OLAH: variants seen among roughly 807,000 people sequenced by gnomAD.
OLAH encodes the protein S-acyl fatty acid synthase thioesterase, medium chain.
OLAH carries 33 observed loss-of-function variants against 27.8 expected under a neutral mutation model. The observed-to-expected ratio is 1.19, with a 90% confidence interval of 0.90 to 1.59. OLAH has a LOEUF of 1.59. Ranked by LOEUF, OLAH falls within the 40% of genes most tolerant of loss-of-function variation. OLAH has a pLI of 0.00. For missense variants in OLAH, 359 were observed against 310.8 expected (o/e 1.16, Z -1.17); for synonymous variants, 120 against 102.9 (o/e 1.17, Z -1.01).
At chr10:15,046,529 G>A (rs993594254) in intron 1 of OLAH, among the ~76,000 whole-genome samples, 4 of 151,618 alleles carry the variant, frequency 2.6e-5, no homozygotes, top group South Asian at 2.1e-4. Flanking sequence ...GTGCAGTGGC[G>A]CGATCTCAGC....
chr10:15,056,239 T>C (rs548793413), intron 3 of OLAH, among the ~76,000 whole-genome samples: 35 of 152,322 alleles, frequency 2.3e-4, no homozygotes, highest in African/African-American at 7.9e-4. Context: ...TCATTTTTAT[T>C]CTTTGCTATT....
chr10:15,071,440 A>G (rs1844584808), intron 6 of OLAH: 1 of 838,392 alleles, frequency 1.2e-6, no homozygotes, highest in African/African-American at 1.8e-5. Context: ...TTCTGTGCAG[A>G]GCAACCCTCT....
chr10:15,053,253 C>T (rs114709068), intron 3 of OLAH, among the ~76,000 whole-genome samples: 1,782 of 152,188 alleles, frequency 0.012, 19 homozygotes, highest in African/African-American at 0.037. Context: ...AGTTGTTAAA[C>T]CATCTATCTA....
chr10:15,048,512 C>T (rs7092900), intron 2 of OLAH, among the ~76,000 whole-genome samples: 67,488 of 152,054 alleles, frequency 0.44, 15,291 homozygotes, highest in East Asian at 0.75. Flanking sequence ...GCCACTGAGC[C>T]CAGTCTATAA....
At chr10:15,052,806 G>A (rs560523551) in intron 3 of OLAH, among the ~76,000 whole-genome samples, 1 of 149,766 alleles carries the variant, frequency 6.7e-6, no homozygotes, top group Non-Finnish European at 1.5e-5. Flanking sequence ...GCAGTGGCGT[G>A]ATCTCGGCTC....
rs1230791474 is a variant in OLAH, at chr10:15,058,927, C to CCTCCTTCCCTCT, written c.164-2786_164-2775dup. ...CTTGCCCTATTTCTCCCCTTCCTTC[C>CCTCCTTCCCTCT]CTCCTTCCCTCTCTCCTTCCCTTCC... On this transcript the variant is annotated intron_variant, in intron 3 of 7. Transcript: ENST00000378228. 4.6e-4 allele frequency among the ~76,000 whole-genome samples: 64 copies of CCTCCTTCCCTCT among 140,234 alleles called. 1 individual carries two copies. The South Asian group carries it at 0.014, about 31-fold the overall frequency. 92.0% of individuals were successfully genotyped at this position (140,234 alleles called of 152,430 possible).
intron 6 of OLAH, 78 bp from the exon 7 acceptor site, chr10:15,071,717 T>A: frequency 6.8e-7 from 1 of 1,475,638 alleles, no homozygotes; most frequent in Non-Finnish European, 9.3e-7. Flanking sequence ...ACCCCAAGTT[T>A]CATTGACATT....
intron 3 of OLAH, chr10:15,056,782 C>G: frequency 7.1e-7 from 1 of 1,416,136 alleles, no homozygotes; most frequent in Non-Finnish European, 9.2e-7. Context: ...AGGCATACAC[C>G]ACTATGCTCG....
At chr10:15,065,416 C>T (rs776549519) in intron 5 of OLAH, 168 bp from the exon 6 acceptor site, 4 of 627,848 alleles carry the variant, frequency 6.4e-6, no homozygotes, top group Non-Finnish European at 1.1e-5. Flanking sequence ...GATGAGCCTT[C>T]TTCTCCCTAC....
upstream of OLAH, among the ~76,000 whole-genome samples, chr10:15,039,227 CT>C (rs765457445): frequency 2.0e-5 from 3 of 149,910 alleles, no homozygotes; most frequent in Non-Finnish European, 4.4e-5. Flanking sequence ...CTATGTCTCT[CT>C]AAAAAAAAAG....
chr10:15,073,027 T>C, intron 7 of OLAH, 60 bp from the exon 8 acceptor site: 1 of 1,514,482 alleles, frequency 6.6e-7, no homozygotes, highest in Non-Finnish European at 9.1e-7. Context: ...AATGATGTCT[T>C]GATGTGAATC....
At chr10:15,051,060 TTTA>T (rs1363953389) in intron 3 of OLAH, among the ~76,000 whole-genome samples, 2 of 136,522 alleles carry the variant, frequency 1.5e-5, no homozygotes, top group African/African-American at 5.5e-5. Flanking sequence ...TTCAAGACTG[TTTA>T]TTATTATTAT....
upstream of OLAH, among the ~76,000 whole-genome samples, chr10:15,041,360 C>T (rs1023338571): frequency 6.7e-6 from 1 of 150,204 alleles, no homozygotes; most frequent in Admixed American, 6.6e-5. Context: ...CTCACTGCAA[C>T]CTCTGCCTCC....
At chr10:15,044,194 T>A (rs1843971885) in intron 1 of OLAH, among the ~76,000 whole-genome samples, 1 of 152,124 alleles carries the variant, frequency 6.6e-6, no homozygotes, top group African/African-American at 2.4e-5. Context: ...TTTATTTGTT[T>A]TACCTGTTCT....
chr10:15,047,519 A>G, intron 2 of OLAH, 199 bp downstream of exon 2: 13 of 568,414 alleles, frequency 2.3e-5, no homozygotes, highest in Non-Finnish European at 4.2e-5. Context: ...ACATGGCAAA[A>G]CCCTGTCTCT....
chr10:15,033,300 C>T (rs1367958170), intron 1 of OLAH, among the ~76,000 whole-genome samples: 4 of 152,098 alleles, frequency 2.6e-5, no homozygotes, highest in Admixed American at 1.3e-4. Context: ...TCTGGACTGA[C>T]TGAATTGAGA....
Position 15,049,730 on chromosome 10 carries a change from C to T in OLAH, c.128C>T (p.Ala43Val). 1.2e-6 allele frequency: 2 copies of T among 1,608,370 alleles called. No homozygotes were observed. Among genetic ancestry groups the T allele is most frequent in the Non-Finnish European group, 1.7e-6 (2 of 1,178,652 alleles). The change falls in exon 3 of 8, where the codon GCC (alanine) becomes GTC (valine). Residue 43 changes from alanine (A) to valine (V), a missense_variant. Transcript: ENST00000378228. The part of the protein sequence containing the change: ...PWMGGGSTHF[A>V]KWGQDTHDLL... ...ATGGGAGGTGGCTCCACTCATTTTG[C>T]CAAATGGGGCCAAGATACTCATGAT...
upstream of OLAH, among the ~76,000 whole-genome samples, chr10:15,042,847 G>GCCT (rs1843943076): frequency 1.2e-5 from 1 of 80,566 alleles, no homozygotes; most frequent in South Asian, 4.1e-4. Context: ...CTACCCACGT[G>GCCT]TCTTTTTTTT....
intron 1 of OLAH, among the ~76,000 whole-genome samples, chr10:15,033,922 C>A (rs986171052): frequency 6.6e-6 from 1 of 151,422 alleles, no homozygotes; most frequent in South Asian, 2.1e-4. Context: ...TTGAAGGAGA[C>A]AAATGTTCAA....
Sources: allele counts gnomAD v4.1 joint callset (sites outside exome capture counted in the v4.1 genomes callset), GRCh38; gene constraint gnomAD v4.1.1; transcripts MANE v1.5; gene names NCBI Gene and HGNC (gene_info 2026-07-23, HGNC 2026-07-21).